Variants in QTMAN observed in about 807,000 individuals in gnomAD.
QTMAN encodes the protein tRNA-queuosine alpha-mannosyltransferase.
At chr2:144,100,008 G>A in the QTMAN span, among the ~76,000 whole-genome samples, 67 of 152,300 alleles carry the variant, frequency 4.4e-4, no homozygotes, top group East Asian at 9.3e-3. Context: ...TCTTAACGTC[G>A]TGTGTAGAGA....
At chr2:144,083,974 TTTTA>T in the QTMAN span, among the ~76,000 whole-genome samples, 1 of 152,244 alleles carries the variant, frequency 6.6e-6, no homozygotes, top group South Asian at 2.1e-4. Flanking sequence ...CTTGTTATGC[TTTTA>T]TTTTTTACTT....
the QTMAN span, among the ~76,000 whole-genome samples, chr2:144,004,653 C>T: frequency 2.0e-5 from 3 of 151,944 alleles, no homozygotes; most frequent in African/African-American, 7.2e-5. Context: ...CTGATTGCTA[C>T]CCCTGTAGCT....
the QTMAN span, among the ~76,000 whole-genome samples, chr2:144,292,404 G>C: frequency 6.6e-6 from 1 of 152,104 alleles, no homozygotes; most frequent in Non-Finnish European, 1.5e-5. Flanking sequence ...CCCAGCTCAA[G>C]TATCATATCT....
the QTMAN span, among the ~76,000 whole-genome samples, chr2:144,287,663 C>T: frequency 6.6e-6 from 1 of 152,082 alleles, no homozygotes; most frequent in South Asian, 2.1e-4. Context: ...CAGCTTTAAC[C>T]TCCCAATAAA....
chr2:144,316,139 G>A, the QTMAN span, among the ~76,000 whole-genome samples: 1 of 151,958 alleles, frequency 6.6e-6, no homozygotes, highest in Admixed American at 6.6e-5. Flanking sequence ...TTCTCATGAG[G>A]CTGGGACGAG....
At chr2:144,064,082 A>G in the QTMAN span, among the ~76,000 whole-genome samples, 5 of 152,318 alleles carry the variant, frequency 3.3e-5, no homozygotes, top group Non-Finnish European at 7.4e-5. Context: ...AGGAAAAATC[A>G]GCACCTGATT....
chr2:144,178,972 G>A, the QTMAN span: 10 of 468,534 alleles, frequency 2.1e-5, no homozygotes, highest in East Asian at 7.0e-5. Context: ...TGGTAAAAAC[G>A]AGAGTTAGAG....
chr2:144,175,692 C>G, the QTMAN span, among the ~76,000 whole-genome samples: 4 of 151,808 alleles, frequency 2.6e-5, no homozygotes, highest in Non-Finnish European at 5.9e-5. Context: ...GAGAGAGAGA[C>G]TTGCTCTGTC....
At chr2:144,060,258 A>AT in the QTMAN span, among the ~76,000 whole-genome samples, 541 of 148,150 alleles carry the variant, frequency 3.7e-3, 3 homozygotes, top group African/African-American at 0.011. Context: ...AAGCATCTTA[A>AT]TTTTTTTTTT....
the QTMAN span, among the ~76,000 whole-genome samples, chr2:144,160,716 G>A: frequency 3.9e-5 from 6 of 152,156 alleles, no homozygotes; most frequent in South Asian, 2.1e-4. Flanking sequence ...TCAATGAATA[G>A]CTGTCACATC....
the QTMAN span, among the ~76,000 whole-genome samples, chr2:144,100,094 C>T: frequency 6.6e-6 from 1 of 152,178 alleles, no homozygotes; most frequent in Non-Finnish European, 1.5e-5. Flanking sequence ...TTGCTGATGA[C>T]GCTAATGCTC....
chr2:144,291,151 CCAGT>C, the QTMAN span, among the ~76,000 whole-genome samples: 30 of 152,150 alleles, frequency 2.0e-4, no homozygotes, highest in Non-Finnish European at 2.8e-4. Context: ...TATAAGGACA[CCAGT>C]CATATTAGAT....
the QTMAN span, among the ~76,000 whole-genome samples, chr2:144,222,808 A>G: frequency 7.9e-5 from 12 of 152,290 alleles, no homozygotes; most frequent in African/African-American, 2.9e-4. Context: ...ACTCTGTCAC[A>G]GAAAAAAGAA....
the QTMAN span, among the ~76,000 whole-genome samples, chr2:144,193,316 A>C: frequency 6.6e-6 from 1 of 151,604 alleles, no homozygotes; most frequent in Admixed American, 6.6e-5. Context: ...AAAATGAATT[A>C]TTCTTAATTT....
At chr2:144,108,487 A>G in the QTMAN span, among the ~76,000 whole-genome samples, 1 of 152,058 alleles carries the variant, frequency 6.6e-6, no homozygotes, top group Non-Finnish European at 1.5e-5. Flanking sequence ...AAAATACAAA[A>G]AATTAGCCAG....
chr2:144,131,692 TA>T, the QTMAN span, among the ~76,000 whole-genome samples: 1 of 151,954 alleles, frequency 6.6e-6, no homozygotes, highest in Non-Finnish European at 1.5e-5. Context: ...TCTGTCTTCA[TA>T]ATGTGCCCTC....
chr2:144,237,847 G>A, the QTMAN span, among the ~76,000 whole-genome samples: 7 of 152,130 alleles, frequency 4.6e-5, no homozygotes, highest in Non-Finnish European at 7.4e-5. Context: ...TACTCTCTTG[G>A]ATCTTCCTGG....
At chr2:143,948,590 G>A in the QTMAN span, among the ~76,000 whole-genome samples, 20 of 152,246 alleles carry the variant, frequency 1.3e-4, no homozygotes, top group African/African-American at 4.3e-4. Context: ...TACTGGTAAT[G>A]AGGGAATAGC....
At chr2:143,991,062 G>A in the QTMAN span, among the ~76,000 whole-genome samples, 1 of 151,754 alleles carries the variant, frequency 6.6e-6, no homozygotes, top group Admixed American at 6.6e-5. Context: ...AAATTATCCA[G>A]AATCCAGAAT....
Sources: gnomAD v4.1 joint callset for allele counts (sites outside exome capture counted in the v4.1 genomes callset) on GRCh38, gnomAD v4.1.1 for gene constraint, MANE v1.5 for transcripts, NCBI Gene and HGNC (gene_info 2026-07-23, HGNC 2026-07-21) for gene names.